SPECC1: variants seen among roughly 807,000 people sequenced by gnomAD.
The protein encoded by SPECC1 is cytospin-B.
SPECC1 carries 62 observed loss-of-function variants against 104.1 expected under a neutral mutation model. That is an observed-to-expected ratio of 0.60 (90% CI 0.49 to 0.74). The LOEUF (loss-of-function observed/expected upper bound fraction) is 0.74. Ranked by LOEUF, SPECC1 falls within the 30% of genes least tolerant of loss-of-function variation. The probability of loss-of-function intolerance (pLI) is 0.00; values close to 1 mark genes in which losing one functional copy is unlikely to be tolerated. For synonymous variants in SPECC1, 513 were observed against 501.6 expected (o/e 1.02, Z -0.30); for missense variants, 1,306 against 1,310.5 (o/e 1.00, Z 0.05).
intron 1 of SPECC1, among the ~76,000 whole-genome samples, chr17:20,081,675 G>A (rs1405294325): frequency 6.6e-6 from 1 of 152,120 alleles, no homozygotes; most frequent in African/African-American, 2.4e-5. Context: ...GGAAGATTGG[G>A]CTGGACTGGG....
intron 1 of SPECC1, among the ~76,000 whole-genome samples, chr17:20,073,183 C>T (rs1292436183): frequency 6.6e-6 from 1 of 152,274 alleles, no homozygotes; most frequent in African/African-American, 2.4e-5. Context: ...TGATATGCTT[C>T]CTGGTTGTAG....
At chr17:20,082,548 A>G (rs928015015) in intron 1 of SPECC1, among the ~76,000 whole-genome samples, 3 of 152,048 alleles carry the variant, frequency 2.0e-5, no homozygotes, top group African/African-American at 4.8e-5. Context: ...GTGAGGTATG[A>G]TCATGCCACT....
At chr17:20,134,873 C>T (rs2049841232) in intron 3 of SPECC1, among the ~76,000 whole-genome samples, 1 of 152,176 alleles carries the variant, frequency 6.6e-6, no homozygotes. Context: ...ATTGTAGGAT[C>T]CCACCATATA....
intron 1 of SPECC1, among the ~76,000 whole-genome samples, chr17:20,064,306 G>A (rs1344176085): frequency 1.3e-5 from 2 of 152,210 alleles, no homozygotes; most frequent in Non-Finnish European, 2.9e-5. Context: ...CACCAAGTGT[G>A]ATGAAACTTG....
intron 3 of SPECC1, among the ~76,000 whole-genome samples, chr17:20,130,328 C>T (rs533104864): frequency 5.3e-5 from 8 of 152,040 alleles, no homozygotes; most frequent in African/African-American, 1.9e-4. Flanking sequence ...AGGCTGAGGC[C>T]AGAGGATGGC....
intron 3 of SPECC1, among the ~76,000 whole-genome samples, chr17:20,196,290 G>A (rs1397422504): frequency 6.6e-6 from 1 of 152,034 alleles, no homozygotes; most frequent in African/African-American, 2.4e-5. Context: ...TTTATTTTTG[G>A]TGAAAACCCT....
intron 1 of SPECC1, among the ~76,000 whole-genome samples, chr17:20,054,439 CA>C (rs1482793696): frequency 6.6e-6 from 1 of 152,200 alleles, no homozygotes; most frequent in African/African-American, 2.4e-5. Flanking sequence ...AGGCTTTCAC[CA>C]ACTGTTTGAC....
chr17:20,108,867 C>G (rs969787524), intron 2 of SPECC1, among the ~76,000 whole-genome samples: 1 of 152,188 alleles, frequency 6.6e-6, no homozygotes, highest in African/African-American at 2.4e-5. Context: ...AGGAGTCTCC[C>G]TTCTTCGACT....
intron 9 of SPECC1, among the ~76,000 whole-genome samples, chr17:20,251,224 C>CAAAAAAAACAAAAAAAAAAAAAA (rs2039617376): frequency 2.0e-5 from 1 of 51,044 alleles, no homozygotes; most frequent in African/African-American, 9.5e-5. Context: ...GACTCTATCT[C>CAAAAAAAACAAAAAAAAAAAAAA]AAAAAAAAAA....
chr17:20,165,205 C>T (rs1044876363), intron 3 of SPECC1, among the ~76,000 whole-genome samples: 2 of 139,408 alleles, frequency 1.4e-5, no homozygotes, highest in African/African-American at 6.2e-5. Flanking sequence ...TCCTACTACC[C>T]CCGCCCTGAC....
At chr17:20,064,225 C>A (rs984150689) in intron 1 of SPECC1, among the ~76,000 whole-genome samples, 15 of 152,120 alleles carry the variant, frequency 9.9e-5, no homozygotes, top group African/African-American at 3.6e-4. Context: ...AAAAGAGGAG[C>A]AGCTGGGGGC....
intron 4 of SPECC1, among the ~76,000 whole-genome samples, chr17:20,224,921 G>A (rs893922971): frequency 1.1e-4 from 16 of 152,132 alleles, no homozygotes; most frequent in Admixed American, 8.5e-4. Flanking sequence ...ACCTGAAGCC[G>A]GTACAGTGTG....
chr17:20,306,264 T>G (rs1321528749), intron 14 of SPECC1, 182 bp downstream of exon 14: 3 of 532,978 alleles, frequency 5.6e-6, no homozygotes, highest in African/African-American at 1.9e-5. Flanking sequence ...TTTAGAGATT[T>G]TCAATCGCAT....
intron 3 of SPECC1, among the ~76,000 whole-genome samples, chr17:20,165,076 A>G (rs1228580414): frequency 4.6e-5 from 7 of 152,176 alleles, no homozygotes; most frequent in African/African-American, 1.2e-4. Context: ...ATACACGTGC[A>G]TGACATGCAG....
intron 4 of SPECC1, among the ~76,000 whole-genome samples, chr17:20,219,318 T>TTCATGACTTTTGAATAAAAG (rs1385612765): frequency 1.3e-5 from 2 of 152,206 alleles, no homozygotes; most frequent in Non-Finnish European, 2.9e-5. Flanking sequence ...GCATTTGTCA[T>TTCATGACTTTTGAATAAAAG]TCATGACTTT....
Position 20,316,126 on chromosome 17 carries a change from G to C in SPECC1, c.*2061G>C. On this transcript the variant is annotated 3_prime_UTR_variant, in exon 15 of 15. Transcript: ENST00000395527. ...TCGACACATAGAACCAATTCAACCT[G>C]AAAGTTACTACTTCTGCTGATTCAG... is the stretch of plus-strand genomic sequence containing the variant. The C allele has an allele frequency of 4.3e-6, 1 of 231,728 alleles. No homozygotes were observed. 14.4% of individuals were successfully genotyped at this position (231,728 alleles called of 1,614,324 possible). A position where few individuals can be genotyped will look rare whatever the true frequency, so the allele number is the denominator to read the frequency against.
intron 3 of SPECC1, among the ~76,000 whole-genome samples, chr17:20,202,115 A>G (rs1054293405): frequency 6.6e-6 from 1 of 152,246 alleles, no homozygotes; most frequent in Admixed American, 6.5e-5. Context: ...TAGTTGAGAG[A>G]AATGTAAACA....
intron 3 of SPECC1, among the ~76,000 whole-genome samples, chr17:20,149,975 T>C (rs554358229): frequency 6.6e-6 from 1 of 152,112 alleles, no homozygotes; most frequent in Non-Finnish European, 1.5e-5. Context: ...CTATTTCTTT[T>C]CTTCTTTTTT....
intron 1 of SPECC1, among the ~76,000 whole-genome samples, chr17:20,030,589 T>C (rs2044770343): frequency 6.6e-6 from 1 of 152,214 alleles, no homozygotes; most frequent in Non-Finnish European, 1.5e-5. Context: ...TTATATATAA[T>C]ATTTTATGCA....
Sources: gnomAD v4.1 joint callset for allele counts (sites outside exome capture counted in the v4.1 genomes callset) on GRCh38, gnomAD v4.1.1 for gene constraint, MANE v1.5 for transcripts, NCBI Gene and HGNC (gene_info 2026-07-23, HGNC 2026-07-21) for gene names.